Variants in NFIB observed in about 807,000 individuals in gnomAD.
NFIB encodes nuclear factor I B.
Under a neutral mutation model 61.5 loss-of-function variants are expected in NFIB, and 11 were observed. That is an observed-to-expected ratio of 0.18 (90% confidence interval 0.11 to 0.30). The LOEUF (loss-of-function observed/expected upper bound fraction) is 0.30, where lower values mean the gene tolerates loss of function less well. Among genes scored for constraint, NFIB ranks in the 10% least tolerant of loss-of-function variants. The pLI is 1.00. For missense variants in NFIB, 471 were observed against 608.9 expected (o/e 0.77, Z 2.38); for synonymous variants, 260 against 216.5 (o/e 1.20, Z -1.76).
chr9:14,479,913 C>T, the NFIB span, among the ~76,000 whole-genome samples: 1 of 151,576 alleles, frequency 6.6e-6, no homozygotes, highest in African/African-American at 2.4e-5. Context: ...TGATGGGTTG[C>T]ACAACCTTGT....
chr9:14,134,495 C>G (rs1307210175), intron 6 of NFIB, among the ~76,000 whole-genome samples: 1 of 152,158 alleles, frequency 6.6e-6, no homozygotes, highest in Non-Finnish European at 1.5e-5. Context: ...CACTGTATCT[C>G]TCTTTATAAT....
intron 6 of NFIB, among the ~76,000 whole-genome samples, chr9:14,146,225 CT>C (rs2042262865): frequency 6.6e-6 from 1 of 152,160 alleles, no homozygotes. Context: ...TTACATTACA[CT>C]TTTCTTTATT....
chr9:14,150,024 T>A, intron 5 of NFIB, 121 bp downstream of exon 5: 1 of 1,375,934 alleles, frequency 7.3e-7, no homozygotes. Flanking sequence ...AAAATCTGTG[T>A]ACTACCAGCA....
At chr9:14,513,188 A>G in the NFIB span, among the ~76,000 whole-genome samples, 1 of 151,922 alleles carries the variant, frequency 6.6e-6, no homozygotes, top group African/African-American at 2.4e-5. Flanking sequence ...CCAAAGAGCA[A>G]CTCTTTATTT....
At position 14,313,334 on chromosome 9, in the gene NFIB, C is replaced by T; in HGVS notation, c.30+148G>A. The T allele has an allele frequency of 1.8e-6, 2 of 1,140,998 alleles. No individual in the cohort carries two copies. Among genetic ancestry groups the T allele is most frequent in the Non-Finnish European group, 2.4e-6 (2 of 840,638 alleles). The allele number at this position is 1,140,998 out of a possible 1,614,324, so 70.7% of individuals were successfully genotyped here. On this transcript the variant is annotated intron_variant, in intron 1 of 10. Transcript: ENST00000380953. The surrounding 1 kb of genome is among the most constrained non-coding windows in gnomAD (Gnocchi z 4.5). ...GGGCCGCTCCCGGCTCCCACGCCGC[C>T]CCGCGACGCCCGCTGCAACTCCGGG... is the stretch of plus-strand genomic sequence containing the variant.
At chr9:14,502,082 G>A in the NFIB span, among the ~76,000 whole-genome samples, 1 of 152,168 alleles carries the variant, frequency 6.6e-6, no homozygotes, top group Admixed American at 6.6e-5. Flanking sequence ...AACCCCTGGG[G>A]CCACATAGAC....
intron 1 of NFIB, among the ~76,000 whole-genome samples, chr9:14,352,346 T>C (rs1377094649): frequency 2.0e-5 from 3 of 151,996 alleles, no homozygotes; most frequent in African/African-American, 7.3e-5. Flanking sequence ...ACCACCAAGA[T>C]AACAAACCAT....
At chr9:14,511,926 C>T in the NFIB span, among the ~76,000 whole-genome samples, 3 of 152,220 alleles carry the variant, frequency 2.0e-5, no homozygotes, top group South Asian at 6.2e-4. Context: ...CTCTTGGGTT[C>T]AATATAGTTA....
intron 10 of NFIB, among the ~76,000 whole-genome samples, chr9:14,102,925 G>T (rs1354001517): frequency 6.6e-6 from 1 of 152,138 alleles, no homozygotes; most frequent in Admixed American, 6.5e-5. Flanking sequence ...CTTTAAGCAT[G>T]CAGTTTGCAA....
the NFIB span, among the ~76,000 whole-genome samples, chr9:14,448,045 C>A: frequency 4.6e-5 from 7 of 152,128 alleles, no homozygotes; most frequent in African/African-American, 1.7e-4. Flanking sequence ...GACTGAGAAT[C>A]AAAAAAGTAT....
intron 6 of NFIB, among the ~76,000 whole-genome samples, chr9:14,126,112 T>C (rs1316075766): frequency 6.6e-6 from 1 of 152,184 alleles, no homozygotes; most frequent in African/African-American, 2.4e-5. Flanking sequence ...TTTATATGAT[T>C]CAGAAGATTG....
At chr9:14,100,347 A>G (rs1281854858) in intron 10 of NFIB, among the ~76,000 whole-genome samples, 1 of 152,176 alleles carries the variant, frequency 6.6e-6, no homozygotes, top group Non-Finnish European at 1.5e-5. Flanking sequence ...CATTTCCTCC[A>G]ATACATGTGT....
rs548656635 is a variant in NFIB at position 14,340,579 on chromosome 9, G to C, written c.109-33059C>G. Among the ~76,000 whole-genome samples, 4 of 152,310 alleles carry C rather than the reference G, an allele frequency of 2.6e-5. No individual in the cohort carries two copies. The East Asian group carries it at 7.7e-4, about 29-fold the overall frequency. The stretch of plus-strand genomic sequence containing the variant: ...AGACTCCTAAACTGAGAAGTTTCTT[G>C]TTCTATAGAAGGGGTTCATACAGAA... On this transcript the variant is annotated intron_variant, in intron 1 of 8. Transcript: ENST00000380934.
In NFIB at chr9:14,120,661, C is replaced by A. The variant is rs768487391; in HGVS notation, c.1061-37G>T. The A allele has an allele frequency of 1.3e-6, 2 of 1,545,832 alleles. No individual in the cohort carries two copies. Among genetic ancestry groups the A allele is most frequent in the Non-Finnish European group, 1.7e-6 (2 of 1,147,842 alleles). ...AGAAAAGGAAAGATTGACTCATCAG[C>A]TGGTTACCTTATTGCTCCATTCTGA... On this transcript the variant is annotated intron_variant, in intron 7 of 10. Coordinates refer to ENST00000380953, the MANE Select transcript of NFIB (RefSeq NM_001190737.2). The surrounding 1 kb of genome is among the most constrained non-coding windows in gnomAD (Gnocchi z 4.4).
chr9:14,099,213 T>C (rs1435302350), intron 10 of NFIB, among the ~76,000 whole-genome samples: 1 of 152,248 alleles, frequency 6.6e-6, no homozygotes, highest in African/African-American at 2.4e-5. Flanking sequence ...CTCCAGGGAT[T>C]GCCTTTTGTT....
intron 6 of NFIB, among the ~76,000 whole-genome samples, chr9:14,138,988 C>G (rs753731903): frequency 1.3e-5 from 2 of 151,982 alleles, no homozygotes; most frequent in Non-Finnish European, 1.5e-5. Flanking sequence ...CACAAATACA[C>G]CTCTATTTTC....
At chr9:14,411,627 G>A in the NFIB span, among the ~76,000 whole-genome samples, 1 of 152,156 alleles carries the variant, frequency 6.6e-6, no homozygotes, top group Non-Finnish European at 1.5e-5. Context: ...CAATACCAGG[G>A]CTTGAACTCT....
intron 2 of NFIB, among the ~76,000 whole-genome samples, chr9:14,290,938 C>A (rs2059054309): frequency 6.6e-6 from 1 of 152,056 alleles, no homozygotes; most frequent in Admixed American, 6.6e-5. Flanking sequence ...CCTGTACTTG[C>A]ATTGTACCCA....
chr9:14,254,164 G>C (rs1371966726), intron 2 of NFIB, among the ~76,000 whole-genome samples: 1 of 152,066 alleles, frequency 6.6e-6, no homozygotes, highest in African/African-American at 2.4e-5. Flanking sequence ...AGCCAGGCAT[G>C]ATGGCACACA....
Sources: allele counts gnomAD v4.1 joint callset (sites outside exome capture counted in the v4.1 genomes callset), GRCh38; gene constraint gnomAD v4.1.1; non-coding constraint Gnocchi (gnomAD v3.1); transcripts MANE v1.5; gene names NCBI Gene and HGNC (gene_info 2026-07-23, HGNC 2026-07-21).